RBFOX2: variants seen among roughly 807,000 people sequenced by gnomAD.
RBFOX2 encodes RNA binding fox-1 homolog 2.
RBFOX2 carries 10 observed loss-of-function variants against 49.1 expected under a neutral mutation model. That is an observed-to-expected ratio of 0.20 (90% confidence interval 0.13 to 0.35). The LOEUF (loss-of-function observed/expected upper bound fraction) is 0.35. Ranked by LOEUF, RBFOX2 falls within the 10% of genes least tolerant of loss-of-function variation. RBFOX2 has a pLI of 1.00. For missense variants in RBFOX2, 323 were observed against 486.9 expected (o/e 0.66, Z 3.17); for synonymous variants, 183 against 187.4 (o/e 0.98, Z 0.19).
At chr22:35,832,896 T>A (rs1356977782) in intron 1 of RBFOX2, among the ~76,000 whole-genome samples, 2 of 152,178 alleles carry the variant, frequency 1.3e-5, no homozygotes, top group African/African-American at 4.8e-5. Flanking sequence ...GTGACTATAG[T>A]TAACAATAAT....
chr22:35,760,265 AG>A (rs1158227797), intron 8 of RBFOX2, among the ~76,000 whole-genome samples: 2 of 152,200 alleles, frequency 1.3e-5, no homozygotes, highest in South Asian at 2.1e-4. Flanking sequence ...ATCTTGAGTG[AG>A]CTTCTCTGTT....
intron 1 of RBFOX2, among the ~76,000 whole-genome samples, chr22:35,893,179 A>G (rs916563959): frequency 6.6e-6 from 1 of 152,366 alleles, no homozygotes. Flanking sequence ...TAGGGTGCAC[A>G]TGATCAAAGT....
chr22:35,765,996 C>T (rs942836332), intron 5 of RBFOX2, among the ~76,000 whole-genome samples: 3 of 152,148 alleles, frequency 2.0e-5, no homozygotes, highest in African/African-American at 7.2e-5. Context: ...ACCTAAGATT[C>T]CCCTGCTGAC....
At chr22:35,920,731 G>C (rs1320386238) in intron 1 of RBFOX2, among the ~76,000 whole-genome samples, 1 of 152,124 alleles carries the variant, frequency 6.6e-6, no homozygotes, top group Non-Finnish European at 1.5e-5. Context: ...GGACTACTTG[G>C]CAGCCATGAA....
chr22:35,935,935 G>A (rs2053007098), intron 1 of RBFOX2, among the ~76,000 whole-genome samples: 1 of 152,134 alleles, frequency 6.6e-6, no homozygotes, highest in East Asian at 1.9e-4. Flanking sequence ...AAAATACAAT[G>A]AAAGTGGTCC....
intron 1 of RBFOX2, among the ~76,000 whole-genome samples, chr22:35,820,239 G>A (rs767991882): frequency 1.3e-5 from 2 of 152,186 alleles, no homozygotes; most frequent in East Asian, 1.9e-4. Flanking sequence ...TGTACCACTC[G>A]GCAAAGGCAA....
chr22:35,985,945 T>C (rs1286529773), intron 1 of RBFOX2, among the ~76,000 whole-genome samples: 2 of 141,770 alleles, frequency 1.4e-5, no homozygotes, highest in African/African-American at 5.4e-5. Flanking sequence ...GATAGATAGA[T>C]AGATAGATAG....
chr22:35,843,863 T>C (rs559079211), upstream of RBFOX2, among the ~76,000 whole-genome samples: 2 of 152,292 alleles, frequency 1.3e-5, no homozygotes, highest in African/African-American at 2.4e-5. Flanking sequence ...AGAGGATCTG[T>C]AGTATTTATC....
At position 35,899,855 on chromosome 22, in the gene RBFOX2, G is replaced by C. The variant is rs1363628500; in HGVS notation, c.-34+38992C>G. Among the ~76,000 whole-genome samples, 3 of 152,196 alleles carry C rather than the reference G, an allele frequency of 2.0e-5. No individual in the cohort carries two copies. In the East Asian group the frequency reaches 5.8e-4, roughly 29 times the overall value. The stretch of plus-strand genomic sequence containing the variant: ...TCACCCTATCTGTTAGTTCAGAGGA[G>C]AGAATGTGTCCATTTGAGCACTAAA... On this transcript the variant is annotated intron_variant, in intron 1 of 13. Coordinates refer to the RBFOX2 transcript ENST00000359369.
intron 1 of RBFOX2, among the ~76,000 whole-genome samples, chr22:35,914,350 C>T (rs1007920344): frequency 1.3e-5 from 2 of 152,190 alleles, no homozygotes; most frequent in African/African-American, 2.4e-5. Flanking sequence ...TCAAGGCTAG[C>T]GATAAAACGC....
chr22:35,916,419 T>C (rs776478389), intron 1 of RBFOX2, among the ~76,000 whole-genome samples: 3 of 152,278 alleles, frequency 2.0e-5, no homozygotes, highest in South Asian at 4.1e-4. Flanking sequence ...GTAGTTGGGA[T>C]TGCAGGCATG....
chr22:35,928,611 G>A, intron 1 of RBFOX2, among the ~76,000 whole-genome samples: 1 of 152,186 alleles, frequency 6.6e-6, no homozygotes, highest in East Asian at 1.9e-4. Flanking sequence ...AAATATGGAT[G>A]AAAACAATTC....
At chr22:35,805,899 T>C (rs781655890) in intron 2 of RBFOX2, among the ~76,000 whole-genome samples, 1 of 152,160 alleles carries the variant, frequency 6.6e-6, no homozygotes, top group Non-Finnish European at 1.5e-5. Flanking sequence ...TACTGTGGGA[T>C]TACAACTACA....
At chr22:35,820,507 G>C (rs1954230752) in intron 1 of RBFOX2, among the ~76,000 whole-genome samples, 1 of 151,994 alleles carries the variant, frequency 6.6e-6, no homozygotes, top group Admixed American at 6.6e-5. Context: ...TCAAAAAGGG[G>C]GAAAATCATT....
chr22:35,865,304 C>A (rs1290041958), intron 1 of RBFOX2, among the ~76,000 whole-genome samples: 1 of 152,020 alleles, frequency 6.6e-6, no homozygotes, highest in Admixed American at 6.6e-5. Flanking sequence ...AGATCAACAC[C>A]ATATAACAGG....
At chr22:35,741,978 C>T (rs1930184722) in exon 12 of RBFOX2, 1 of 152,288 alleles carries the variant, frequency 6.6e-6, no homozygotes, top group South Asian at 2.1e-4. Flanking sequence ...TGACCCCAAA[C>T]TTCTGTTTTT....
chr22:35,882,756 G>A (rs142154544), intron 1 of RBFOX2, among the ~76,000 whole-genome samples: 4 of 152,130 alleles, frequency 2.6e-5, no homozygotes, highest in Non-Finnish European at 5.9e-5. Context: ...GGGTAAATAC[G>A]GGGGTGGGAA....
intron 2 of RBFOX2, among the ~76,000 whole-genome samples, chr22:35,801,778 T>A (rs1271527283): frequency 3.3e-5 from 5 of 151,996 alleles, no homozygotes; most frequent in African/African-American, 1.2e-4. Context: ...TGAGCTGAGA[T>A]CACGCCACTG....
chr22:35,933,171 C>G (rs1233407190), intron 1 of RBFOX2, among the ~76,000 whole-genome samples: 2 of 152,132 alleles, frequency 1.3e-5, no homozygotes, highest in Non-Finnish European at 2.9e-5. Flanking sequence ...TACTTACTAC[C>G]TATATAACTA....
Sources: gnomAD v4.1 joint callset for allele counts (sites outside exome capture counted in the v4.1 genomes callset) on GRCh38, gnomAD v4.1.1 for gene constraint, MANE v1.5 for transcripts, NCBI Gene and HGNC (gene_info 2026-07-23, HGNC 2026-07-21) for gene names.